Variants in RGS7 observed in about 807,000 individuals in gnomAD.
RGS7 encodes regulator of G-protein signaling 7.
In RGS7, 27 loss-of-function variants were observed where a neutral mutation model predicts 81.1. The observed-to-expected ratio is 0.33, with a 90% CI of 0.25 to 0.46. The LOEUF (loss-of-function observed/expected upper bound fraction) is 0.46, where lower values mean the gene tolerates loss of function less well. Ranked by LOEUF, RGS7 falls within the 20% of genes least tolerant of loss-of-function variation. The pLI, the probability that RGS7 is intolerant of heterozygous loss-of-function variation, is 1.00. For synonymous variants in RGS7, 208 were observed against 207.7 expected (o/e 1.00, Z -0.01); for missense variants, 396 against 607.4 (o/e 0.65, Z 3.66).
intron 3 of RGS7, among the ~76,000 whole-genome samples, chr1:241,045,033 T>G (rs1199308564): frequency 6.6e-6 from 1 of 152,236 alleles, no homozygotes; most frequent in Admixed American, 6.5e-5. Flanking sequence ...TTAATTTCCA[T>G]GATGGCAATT....
chr1:241,208,281 T>A (rs954365759), intron 2 of RGS7, among the ~76,000 whole-genome samples: 1 of 152,108 alleles, frequency 6.6e-6, no homozygotes, highest in African/African-American at 2.4e-5. Flanking sequence ...CCCCAAACCA[T>A]GAGTCTCATG....
chr1:240,784,783 T>G (rs1684792411), intron 18 of RGS7, among the ~76,000 whole-genome samples: 1 of 151,908 alleles, frequency 6.6e-6, no homozygotes, highest in African/African-American at 2.4e-5. Flanking sequence ...GGATGGATAT[T>G]CTTGAGTGCC....
intron 2 of RGS7, among the ~76,000 whole-genome samples, chr1:241,158,178 CT>C (rs1423855429): frequency 1.3e-5 from 2 of 152,120 alleles, no homozygotes; most frequent in African/African-American, 2.4e-5. Flanking sequence ...TTGTCTATAG[CT>C]GCTTTTGATC....
intron 9 of RGS7, among the ~76,000 whole-genome samples, chr1:240,834,480 G>A (rs1436452790): frequency 6.6e-6 from 1 of 152,024 alleles, no homozygotes; most frequent in Non-Finnish European, 1.5e-5. Flanking sequence ...AAGGACTTTG[G>A]TTTAATTCTT....
chr1:240,783,977 AC>A (rs967004719), intron 18 of RGS7, among the ~76,000 whole-genome samples: 2 of 149,354 alleles, frequency 1.3e-5, no homozygotes, highest in African/African-American at 5.0e-5. Context: ...GGAGTTTAAG[AC>A]CAGCCTGGCC....
At chr1:241,296,805 A>G (rs558609534) in intron 2 of RGS7, among the ~76,000 whole-genome samples, 6 of 152,378 alleles carry the variant, frequency 3.9e-5, no homozygotes, top group African/African-American at 1.2e-4. Context: ...GATATTTTCT[A>G]TAATTACTGG....
intron 2 of RGS7, among the ~76,000 whole-genome samples, chr1:241,203,801 G>A (rs115408876): frequency 0.01 from 1,575 of 152,110 alleles, 13 homozygotes; most frequent in African/African-American, 0.02. Context: ...TTATTCGTTC[G>A]TTCATGGCAG....
chr1:241,318,804 T>C (rs1242782463), intron 2 of RGS7, among the ~76,000 whole-genome samples: 1 of 152,218 alleles, frequency 6.6e-6, no homozygotes, highest in Non-Finnish European at 1.5e-5. Flanking sequence ...TGTAGAGCTA[T>C]TGTTTTATAA....
chr1:240,855,756 A>G (rs1318519821), intron 9 of RGS7, among the ~76,000 whole-genome samples: 1 of 151,940 alleles, frequency 6.6e-6, no homozygotes, highest in African/African-American at 2.4e-5. Context: ...AAAAGATTTT[A>G]TCTTTTTAAT....
chr1:241,203,809 C>T (rs2073689535), intron 2 of RGS7, among the ~76,000 whole-genome samples: 1 of 152,106 alleles, frequency 6.6e-6, no homozygotes, highest in East Asian at 1.9e-4. Context: ...TCGTTCATGG[C>T]AGGTACATTT....
intron 2 of RGS7, among the ~76,000 whole-genome samples, chr1:241,306,570 C>CCA (rs772709262): frequency 8.2e-4 from 123 of 150,850 alleles, no homozygotes; most frequent in African/African-American, 2.8e-3. Flanking sequence ...ACACATATGT[C>CCA]CACACACGTA....
intron 2 of RGS7, among the ~76,000 whole-genome samples, chr1:241,251,325 A>G (rs1244135528): frequency 6.6e-6 from 1 of 152,140 alleles, no homozygotes; most frequent in East Asian, 1.9e-4. Context: ...GTTGCAGTTT[A>G]GCAAGACAAG....
chr1:240,990,491 GCTACTCAAAGAAA>G (rs1187032805), intron 3 of RGS7, among the ~76,000 whole-genome samples: 4 of 152,206 alleles, frequency 2.6e-5, no homozygotes, highest in Non-Finnish European at 4.4e-5. Flanking sequence ...CACTAAAACA[GCTACTCAAAGAAA>G]CTTCGTGATG....
chr1:240,877,788 G>T (rs1028965537), intron 6 of RGS7, among the ~76,000 whole-genome samples: 1 of 152,154 alleles, frequency 6.6e-6, no homozygotes, highest in South Asian at 2.1e-4. Context: ...TCCTGAAAGG[G>T]TTATTGCTGA....
intron 2 of RGS7, among the ~76,000 whole-genome samples, chr1:241,257,132 C>T (rs10926440): frequency 1.4e-4 from 22 of 151,898 alleles, no homozygotes; most frequent in Non-Finnish European, 2.5e-4. Flanking sequence ...TATCTGAAAC[C>T]GGATAATTTA....
chr1:240,932,825 T>C (rs1328447688), intron 5 of RGS7, among the ~76,000 whole-genome samples: 2 of 146,598 alleles, frequency 1.4e-5, no homozygotes, highest in Admixed American at 1.4e-4. Flanking sequence ...GATTTTCTGA[T>C]ATGCTATTTC....
intron 3 of RGS7, among the ~76,000 whole-genome samples, chr1:241,083,780 C>T (rs1572609180): frequency 1.3e-5 from 2 of 152,104 alleles, no homozygotes; most frequent in East Asian, 3.9e-4. Flanking sequence ...AAAAATATTA[C>T]AAGCATAATT....
chr1:241,084,073 A>G (rs2063300216), intron 3 of RGS7, among the ~76,000 whole-genome samples: 1 of 152,236 alleles, frequency 6.6e-6, no homozygotes, highest in Admixed American at 6.5e-5. Flanking sequence ...CTCAAAAACA[A>G]TTAAATGCAG....
intron 5 of RGS7, among the ~76,000 whole-genome samples, chr1:240,935,566 G>A (rs1468026224): frequency 2.0e-5 from 3 of 152,094 alleles, no homozygotes; most frequent in Non-Finnish European, 4.4e-5. Flanking sequence ...ACTGTCCTAC[G>A]ATTATTTGCC....
Sources: gnomAD v4.1 joint callset for allele counts (sites outside exome capture counted in the v4.1 genomes callset) on GRCh38, gnomAD v4.1.1 for gene constraint, MANE v1.5 for transcripts, NCBI Gene and HGNC (gene_info 2026-07-23, HGNC 2026-07-21) for gene names.